NCOA6: variants seen among roughly 807,000 people sequenced by gnomAD.
NCOA6 encodes the protein nuclear receptor coactivator 6, also known as NRC RAP250.
NCOA6 carries 49 observed loss-of-function variants against 171.4 expected under a neutral mutation model. The ratio of observed to expected loss-of-function variants is 0.29; its 90% CI spans 0.23 to 0.36. NCOA6 has a LOEUF of 0.36. NCOA6 is among the 10% of genes least tolerant of loss of function. The probability of loss-of-function intolerance (pLI) is 1.00; values close to 1 mark genes in which losing one functional copy is unlikely to be tolerated. For synonymous variants in NCOA6, 910 were observed against 927.5 expected, an observed-to-expected ratio of 0.98 and a Z score of 0.34; for missense variants, 2,248 against 2,554.5, an observed-to-expected ratio of 0.88 and a Z score of 2.59.
chr20:34,723,232 A>C (rs1435608055), intron 14 of NCOA6, among the ~76,000 whole-genome samples: 1 of 152,188 alleles, frequency 6.6e-6, no homozygotes, highest in Non-Finnish European at 1.5e-5. Flanking sequence ...CTGAGCCCTC[A>C]AACCTGTGGA....
intron 5 of NCOA6, 120 bp downstream of exon 5, chr20:34,768,344 T>A: frequency 6.1e-6 from 8 of 1,301,846 alleles, no homozygotes; most frequent in Non-Finnish European, 8.5e-6. Flanking sequence ...CTTTCCTGAT[T>A]CAGCAAATAG....
Position 34,797,206 on chromosome 20 carries a change from G to A in NCOA6, c.-163-4643C>T, listed in dbSNP as rs570624481. Among the ~76,000 whole-genome samples, 216 of 152,218 alleles carry A rather than the reference G, an allele frequency of 1.4e-3. 3 individuals are homozygous for A. Among genetic ancestry groups the A allele is most frequent in the African/African-American group, 4.7e-3 (196 of 41,538 alleles). The stretch of plus-strand genomic sequence containing the variant: ...CCCAGGCAGCACAGCTCACAGCTCC[G>A]GGAAAGACTCCTTCCCTCTGCTTGA... On this transcript the variant is annotated intron_variant, in intron 1 of 14. Transcript: ENST00000359003.
At chr20:34,805,047 T>C (rs897369975) in intron 1 of NCOA6, among the ~76,000 whole-genome samples, 16 of 151,588 alleles carry the variant, frequency 1.1e-4, no homozygotes, top group Admixed American at 9.2e-4. Context: ...TATACCCTTT[T>C]TTTTTTTTTT....
intron 5 of NCOA6, among the ~76,000 whole-genome samples, chr20:34,764,098 T>G (rs6060035): frequency 7.9e-6 from 1 of 126,172 alleles, no homozygotes; most frequent in Non-Finnish European, 1.7e-5. Context: ...TTTTTTTTTT[T>G]GTTTTTTGAG....
intron 2 of NCOA6, among the ~76,000 whole-genome samples, chr20:34,786,302 T>C (rs1168022840): frequency 6.6e-6 from 1 of 152,202 alleles, no homozygotes; most frequent in East Asian, 1.9e-4. Flanking sequence ...AACCAGCTTC[T>C]GGATTCACTG....
At chr20:34,771,566 C>T (rs2077151973) in intron 4 of NCOA6, among the ~76,000 whole-genome samples, 1 of 152,210 alleles carries the variant, frequency 6.6e-6, no homozygotes, top group African/African-American at 2.4e-5. Context: ...AAGCAACATA[C>T]AGTCTGTGGC....
At chr20:34,776,642 C>G in intron 3 of NCOA6, 194 bp from the exon 4 acceptor site, 1 of 704,756 alleles carries the variant, frequency 1.4e-6, no homozygotes, top group South Asian at 1.5e-5. Context: ...TGACCATGAA[C>G]GAGCTATTTA....
intron 2 of NCOA6, among the ~76,000 whole-genome samples, chr20:34,791,823 GGAGA>G (rs1234545172): frequency 6.6e-6 from 1 of 152,170 alleles, no homozygotes; most frequent in Non-Finnish European, 1.5e-5. Context: ...AAAAGAAGAA[GGAGA>G]GAGGGCAGGG....
intron 1 of NCOA6, among the ~76,000 whole-genome samples, chr20:34,822,871 T>C (rs907645115): frequency 7.9e-5 from 12 of 152,338 alleles, no homozygotes; most frequent in Admixed American, 7.8e-4. Context: ...TACCATTCTA[T>C]TCAAATATGA....
At position 34,798,944 on chromosome 20, in the gene NCOA6, C is replaced by G. The variant is rs561904096; in HGVS notation, c.-163-6381G>C. On this transcript the variant is annotated intron_variant, in intron 1 of 14. Transcript: ENST00000359003. ...CCAATGCCTAGACACCAACAAACAT[C>G]CACAAACATCAAGGTAATCCAAGAA... 4.6e-5 allele frequency among the ~76,000 whole-genome samples: 7 copies of G among 152,252 alleles called. No homozygotes were observed. In the South Asian group the frequency reaches 1.4e-3, roughly 32 times the overall value.
At chr20:34,802,445 A>G (rs1601097303) in intron 1 of NCOA6, among the ~76,000 whole-genome samples, 1 of 152,346 alleles carries the variant, frequency 6.6e-6, no homozygotes, top group South Asian at 2.1e-4. Flanking sequence ...TACTAAAAAT[A>G]CAAAAATTAG....
At chr20:34,736,355 A>G (rs1218178912) in intron 12 of NCOA6, among the ~76,000 whole-genome samples, 1 of 152,192 alleles carries the variant, frequency 6.6e-6, no homozygotes, top group African/African-American at 2.4e-5. Context: ...CCAGCTATTC[A>G]GCTGCCAACC....
intron 13 of NCOA6, among the ~76,000 whole-genome samples, chr20:34,729,533 GCAACA>G (rs1350309786): frequency 7.5e-6 from 1 of 132,930 alleles, no homozygotes; most frequent in Non-Finnish European, 1.6e-5. Context: ...TAAAAATAAT[GCAACA>G]AAACAAAACA....
At chr20:34,823,080 T>C (rs1386632939) in intron 1 of NCOA6, among the ~76,000 whole-genome samples, 1 of 152,246 alleles carries the variant, frequency 6.6e-6, no homozygotes, top group Non-Finnish European at 1.5e-5. Flanking sequence ...AGTATATGCA[T>C]ATTAGATTTG....
At chr20:34,730,280 G>T (rs1990458098) in intron 13 of NCOA6, among the ~76,000 whole-genome samples, 1 of 151,278 alleles carries the variant, frequency 6.6e-6, no homozygotes, top group African/African-American at 2.4e-5. Context: ...CATAGAGACA[G>T]GGTCTCCCTA....
intron 1 of NCOA6, among the ~76,000 whole-genome samples, chr20:34,798,006 T>C (rs2078136346): frequency 6.6e-6 from 1 of 152,198 alleles, no homozygotes; most frequent in African/African-American, 2.4e-5. Flanking sequence ...GATGGCATTT[T>C]CATTCTTTTT....
At chr20:34,810,150 G>A (rs897588796) in intron 1 of NCOA6, among the ~76,000 whole-genome samples, 1 of 152,076 alleles carries the variant, frequency 6.6e-6, no homozygotes, top group Admixed American at 6.6e-5. Flanking sequence ...TTCTTTGTAT[G>A]TTACACATCA....
intron 11 of NCOA6, among the ~76,000 whole-genome samples, chr20:34,737,376 A>C (rs1051468210): frequency 1.7e-4 from 26 of 152,256 alleles, no homozygotes; most frequent in Non-Finnish European, 1.0e-4. Flanking sequence ...GAGAGACCAA[A>C]CTATATCCTC....
chr20:34,811,930 T>A (rs1203712795), intron 1 of NCOA6, among the ~76,000 whole-genome samples: 1 of 152,156 alleles, frequency 6.6e-6, no homozygotes. Context: ...ATCCTCCCTA[T>A]ACCCTTTCAT....
Sources: allele counts gnomAD v4.1 joint callset (sites outside exome capture counted in the v4.1 genomes callset), GRCh38; gene constraint gnomAD v4.1.1; transcripts MANE v1.5; gene names NCBI Gene and HGNC (gene_info 2026-07-23, HGNC 2026-07-21).